PAX5: variants seen among roughly 807,000 people sequenced by gnomAD.
The protein encoded by PAX5 is paired box 5, also known as paired box protein Pax-5.
In PAX5, 9 loss-of-function variants were observed where a neutral mutation model predicts 43.7. The observed-to-expected ratio is 0.21, with a 90% CI of 0.12 to 0.36. The LOEUF (loss-of-function observed/expected upper bound fraction) is 0.36. Ranked by LOEUF, PAX5 falls within the 10% of genes least tolerant of loss-of-function variation. PAX5 has a pLI of 1.00. For synonymous variants in PAX5, 228 were observed against 214.3 expected (o/e 1.06, Z -0.56); for missense variants, 383 against 532.7 (o/e 0.72, Z 2.77).
intron 5 of PAX5, among the ~76,000 whole-genome samples, chr9:36,986,289 C>G (rs1327137211): frequency 2.7e-5 from 4 of 148,652 alleles, no homozygotes. Context: ...ATCAGCGGGC[C>G]GAGCCACGCG....
rs1276775669 is a variant in PAX5, at chr9:36,842,145, T to TTCTTCTGCCGCC, written c.1100-1521_1100-1510dup. 2.6e-5 allele frequency among the ~76,000 whole-genome samples: 4 copies of TTCTTCTGCCGCC among 152,296 alleles called. No homozygotes were observed. The South Asian group carries it at 8.3e-4, about 32-fold the overall frequency. On this transcript the variant is annotated intron_variant, in intron 9 of 9. Transcript: ENST00000358127. ...GCCTAAGTATTCCCTGAGATGGGTT[T>TTCTTCTGCCGCC]TCTTCTGCCGCCTCTTCTGTCACCT...
chr9:37,009,928 G>A (rs1199628612), intron 3 of PAX5, among the ~76,000 whole-genome samples: 2 of 152,144 alleles, frequency 1.3e-5, no homozygotes, highest in Non-Finnish European at 2.9e-5. Context: ...ATGCATCAGG[G>A]TTGTCCTTTA....
intron 6 of PAX5, among the ~76,000 whole-genome samples, chr9:36,926,423 A>G (rs1830643654): frequency 6.6e-6 from 1 of 152,234 alleles, no homozygotes; most frequent in Non-Finnish European, 1.5e-5. Flanking sequence ...TTCTTGATCT[A>G]GGTTACAGCC....
chr9:36,953,852 T>A (rs1833213434), intron 6 of PAX5, among the ~76,000 whole-genome samples: 1 of 152,110 alleles, frequency 6.6e-6, no homozygotes, highest in Non-Finnish European at 1.5e-5. Context: ...GCAGGTTGAT[T>A]ACCTGGGCTC....
chr9:37,026,975 G>A (rs1840452552), intron 1 of PAX5, among the ~76,000 whole-genome samples: 1 of 152,216 alleles, frequency 6.6e-6, no homozygotes, highest in African/African-American at 2.4e-5. Flanking sequence ...GAGGCCGCCG[G>A]AACAATCGGC....
chr9:36,913,117 C>G (rs987257171), intron 7 of PAX5, among the ~76,000 whole-genome samples: 3 of 152,234 alleles, frequency 2.0e-5, no homozygotes, highest in Non-Finnish European at 4.4e-5. Context: ...AAACATTGAA[C>G]CTGAGGGATA....
At chr9:36,855,029 A>G (rs556740610) in intron 8 of PAX5, among the ~76,000 whole-genome samples, 18 of 152,350 alleles carry the variant, frequency 1.2e-4, no homozygotes, top group Admixed American at 4.6e-4. Context: ...GATCCTCTGT[A>G]AAGAAGAGGC....
chr9:36,986,993 C>T (rs370863475), intron 5 of PAX5, among the ~76,000 whole-genome samples: 1 of 152,196 alleles, frequency 6.6e-6, no homozygotes, highest in Non-Finnish European at 1.5e-5. Context: ...CCAGCGTTCA[C>T]CTGGTGCTGA....
intron 7 of PAX5, among the ~76,000 whole-genome samples, chr9:36,891,031 C>T (rs1245724042): frequency 6.6e-6 from 1 of 152,088 alleles, no homozygotes; most frequent in Non-Finnish European, 1.5e-5. Context: ...CCCAGCTACT[C>T]AGGAGGCTGA....
At chr9:36,860,134 C>T (rs1265068013) in intron 8 of PAX5, among the ~76,000 whole-genome samples, 4 of 151,304 alleles carry the variant, frequency 2.6e-5, no homozygotes, top group African/African-American at 7.3e-5. Context: ...GTCAGGAGTT[C>T]GAGACCAGCC....
chr9:36,975,982 G>A (rs560195716), intron 5 of PAX5, among the ~76,000 whole-genome samples: 2 of 152,286 alleles, frequency 1.3e-5, no homozygotes, highest in East Asian at 1.9e-4. Flanking sequence ...GGGCTTGCAG[G>A]GCTGTATGGC....
Position 36,923,395 on chromosome 9 carries a change from C to T in PAX5, c.870G>A (p.Gly290=). The change falls in exon 7 of 10, where the codon GGG becomes GGA. Residue 290 remains glycine, a synonymous_variant. Transcript: ENST00000358127. ...NLASPTPADI[G]SSVPGPQSYP... ...AGGACTGCGGGCCTGGCACACTGCT[C>T]CCGATGTCAGCAGGGGTGGGGCTGG... 1 of 1,613,402 alleles carries T rather than the reference C, an allele frequency of 6.2e-7. No homozygotes were observed. The highest frequency in any genetic ancestry group is 8.5e-7 in the Non-Finnish European group (1 of 1,180,002).
At chr9:36,909,776 G>A (rs10973124) in intron 7 of PAX5, among the ~76,000 whole-genome samples, 36,476 of 148,422 alleles carry the variant, frequency 0.25, 5,080 homozygotes, top group East Asian at 0.51. Context: ...CAAGGTGGCC[G>A]AGTCTTACTT....
At chr9:36,963,737 C>T (rs949517322) in intron 6 of PAX5, among the ~76,000 whole-genome samples, 3 of 152,158 alleles carry the variant, frequency 2.0e-5, no homozygotes, top group Non-Finnish European at 2.9e-5. Flanking sequence ...GTCTCCATGA[C>T]GGTCATGTGA....
chr9:37,002,041 T>G (rs1464443492), intron 5 of PAX5, among the ~76,000 whole-genome samples: 1 of 151,718 alleles, frequency 6.6e-6, no homozygotes, highest in East Asian at 1.9e-4. Flanking sequence ...CCGGGAAGAT[T>G]GTCATCTTTG....
At chr9:36,923,258 A>G in intron 7 of PAX5, 97 bp downstream of exon 7, 2 of 1,472,442 alleles carry the variant, frequency 1.4e-6, no homozygotes, top group South Asian at 2.7e-5. Flanking sequence ...AAATTGGCCA[A>G]TCACATCCAA....
Position 36,833,492 on chromosome 9 carries a change from A to T in PAX5, c.*7068T>A, listed in dbSNP as rs954761953. 1 of 233,124 alleles carries T rather than the reference A, an allele frequency of 4.3e-6. No homozygotes were observed. Among genetic ancestry groups the T allele is most frequent in the Non-Finnish European group, 8.5e-6 (1 of 118,052 alleles). 14.4% of individuals were successfully genotyped at this position (233,124 alleles called of 1,614,324 possible). A position where few individuals can be genotyped will look rare whatever the true frequency, so the allele number is the denominator to read the frequency against. ...GCAGTCAACCATTTAACTTAAAAGG[A>T]AGCCACAAATTTCAGGTTTGACAAG... On this transcript the variant is annotated 3_prime_UTR_variant, in exon 10 of 10. Transcript: ENST00000358127.
intron 7 of PAX5, among the ~76,000 whole-genome samples, chr9:36,914,830 G>T (rs3849923): frequency 0.075 from 11,388 of 152,298 alleles, 532 homozygotes; most frequent in South Asian, 0.16. Context: ...TCTGATGTGT[G>T]TGTGTGCACA....
rs1218302738 is a variant in PAX5 at position 37,013,210 on chromosome 9, C to T, written c.410+1787G>A. Reference sequence around the variant, plus strand: ...GCAAAAAATCTGGCAAACACCAGACCCATGGTCCTGGCAGCATTCGGCTGG... The same window carrying T: ...GCAAAAAATCTGGCAAACACCAGACTCATGGTCCTGGCAGCATTCGGCTGG... On this transcript the variant is annotated intron_variant, in intron 3 of 9. Coordinates refer to ENST00000358127, the MANE Select transcript of PAX5 (RefSeq NM_016734.3). Among the ~76,000 whole-genome samples, 5 of 152,178 alleles carry T rather than the reference C, an allele frequency of 3.3e-5. No individual in the cohort carries two copies. The South Asian group carries it at 8.3e-4, about 25-fold the overall frequency.
Sources: allele counts gnomAD v4.1 joint callset (sites outside exome capture counted in the v4.1 genomes callset), GRCh38; gene constraint gnomAD v4.1.1; transcripts MANE v1.5; gene names NCBI Gene and HGNC (gene_info 2026-07-23, HGNC 2026-07-21).